NTRK3: variants seen among roughly 807,000 people sequenced by gnomAD.
NTRK3 encodes neurotrophic receptor tyrosine kinase 3.
NTRK3 carries 24 observed loss-of-function variants against 91.7 expected under a neutral mutation model. The observed-to-expected ratio is 0.26, with a 90% confidence interval of 0.19 to 0.37. The LOEUF is 0.37. NTRK3 is among the 10% of genes least tolerant of loss of function. The pLI is 1.00. For missense variants in NTRK3, 880 were observed against 1,068.9 expected, an observed-to-expected ratio of 0.82 and a Z score of 2.46; for synonymous variants, 483 against 404.0, an observed-to-expected ratio of 1.20 and a Z score of -2.34.
rs74267908 is a variant in NTRK3, at chr15:88,240,053, G to GACAC, written c.248+15849_248+15852dup. On this transcript the variant is annotated intron_variant, in intron 3 of 18. Coordinates refer to ENST00000394480, the Ensembl canonical transcript of NTRK3. The surrounding 1 kb of genome is among the most constrained non-coding windows in gnomAD (Gnocchi z 4.9). ...ATATACACACACAGCGACACACACAGACACACACACACACACACACAGGAA... is the reference window on the plus strand; with the variant it reads ...ATATACACACACAGCGACACACACAGACACACACACACACACACACACACAGGAA... Among the ~76,000 whole-genome samples, 54 of 148,990 alleles carry GACAC rather than the reference G, an allele frequency of 3.6e-4. No individual in the cohort carries two copies. The highest frequency in any genetic ancestry group is 1.7e-3 in the Admixed American group (25 of 14,964).
At chr15:88,000,474 C>T (rs752045236) in intron 14 of NTRK3, among the ~76,000 whole-genome samples, 1 of 152,152 alleles carries the variant, frequency 6.6e-6, no homozygotes, top group Admixed American at 6.5e-5. Flanking sequence ...TACACACATA[C>T]ACATGAATAA....
At chr15:87,935,631 T>G (rs9920151) in intron 15 of NTRK3, among the ~76,000 whole-genome samples, 3,117 of 152,140 alleles carry the variant, frequency 0.02, 126 homozygotes, top group African/African-American at 0.069. Flanking sequence ...ATACAAAGAT[T>G]TATGTGAATG....
rs148083160 is a variant in NTRK3, at chr15:87,956,289, T to G, written c.1586-15536A>C. ...GCTGTTCTGGTTTTTGTTGTTGTTG[T>G]TGTTTGAGACAGAGTCACTCTGTCA... On this transcript the variant is annotated intron_variant, in intron 14 of 18. Transcript: ENST00000394480. Among the ~76,000 whole-genome samples the G allele has an allele frequency of 3.6e-4, 55 of 152,312 alleles. No individual in the cohort carries two copies. In the East Asian group the frequency reaches 9.7e-3, roughly 27 times the overall value.
At chr15:88,229,840 A>G (rs1347750048) in intron 3 of NTRK3, among the ~76,000 whole-genome samples, 1 of 152,270 alleles carries the variant, frequency 6.6e-6, no homozygotes, top group East Asian at 1.9e-4. Flanking sequence ...AGTGTAGCCC[A>G]GGGAACATGG....
intron 17 of NTRK3, among the ~76,000 whole-genome samples, chr15:87,923,521 T>G (rs144244587): frequency 7.2e-5 from 11 of 152,330 alleles, no homozygotes; most frequent in South Asian, 6.2e-4. Context: ...CTCATACTGT[T>G]AGATGACCTA....
intron 13 of NTRK3, among the ~76,000 whole-genome samples, chr15:88,065,570 C>A (rs1380493132): frequency 1.3e-5 from 2 of 152,086 alleles, no homozygotes; most frequent in East Asian, 1.9e-4. Context: ...GGAGAAGAAC[C>A]TATACCCCTA....
At chr15:88,005,959 C>T (rs1481178185) in intron 14 of NTRK3, among the ~76,000 whole-genome samples, 1 of 152,138 alleles carries the variant, frequency 6.6e-6, no homozygotes, top group Non-Finnish European at 1.5e-5. Context: ...CCTCAAATGC[C>T]GATGTGCACT....
chr15:88,177,758 T>G (rs1385720195), intron 5 of NTRK3, among the ~76,000 whole-genome samples: 1 of 152,228 alleles, frequency 6.6e-6, no homozygotes, highest in African/African-American at 2.4e-5. Context: ...TAAGGACTCT[T>G]CCAGCTTTAA....
At chr15:88,193,306 G>A (rs1460343325) in intron 3 of NTRK3, among the ~76,000 whole-genome samples, 2 of 152,142 alleles carry the variant, frequency 1.3e-5, no homozygotes, top group African/African-American at 4.8e-5. Flanking sequence ...CCCAGGGACA[G>A]GCATGCTGGA....
intron 13 of NTRK3, among the ~76,000 whole-genome samples, chr15:88,074,083 C>G (rs116213077): frequency 6.6e-6 from 1 of 152,156 alleles, no homozygotes; most frequent in Non-Finnish European, 1.5e-5. Flanking sequence ...TGATGAACAC[C>G]GACCATGTGC....
At chr15:87,998,483 G>T (rs531930913) in intron 14 of NTRK3, among the ~76,000 whole-genome samples, 1 of 152,370 alleles carries the variant, frequency 6.6e-6, no homozygotes, top group East Asian at 1.9e-4. Context: ...TACAGTGGCT[G>T]TTGTAGAGCT....
At chr15:88,213,265 T>C (rs1231671206) in intron 3 of NTRK3, among the ~76,000 whole-genome samples, 4 of 152,206 alleles carry the variant, frequency 2.6e-5, no homozygotes, top group African/African-American at 9.6e-5. Flanking sequence ...ATTGAGTAAC[T>C]TGCTCAAAGC....
At position 88,044,254 on chromosome 15, in the gene NTRK3, C is replaced by CTTTT. The variant is rs1181028004; in HGVS notation, c.1397-11213_1397-11210dup. ...GCTGTGGGATTCCCAAGTCTATGTT[C>CTTTT]TTTTTTTTTTTTTTTTTTTTTTTTG... On this transcript the variant is annotated intron_variant, in intron 13 of 18. Coordinates refer to ENST00000394480, the Ensembl canonical transcript of NTRK3. 6.7e-3 allele frequency among the ~76,000 whole-genome samples: 527 copies of CTTTT among 78,518 alleles called. 5 individuals carry two copies. The highest frequency in any genetic ancestry group is 9.6e-3 in the Non-Finnish European group (412 of 43,018). 51.5% of individuals were successfully genotyped at this position (78,518 alleles called of 152,430 possible).
At chr15:87,929,479 A>C (rs1334037146) in intron 16 of NTRK3, 45 bp from the exon 17 acceptor site, 2 of 1,606,936 alleles carry the variant, frequency 1.2e-6, no homozygotes, top group Non-Finnish European at 1.7e-6. Flanking sequence ...AGAAATCAGG[A>C]GATCAAGGAG....
At chr15:88,152,563 G>T (rs2043485433) in intron 5 of NTRK3, among the ~76,000 whole-genome samples, 1 of 152,224 alleles carries the variant, frequency 6.6e-6, no homozygotes, top group Admixed American at 6.5e-5. Context: ...ATGACACTTT[G>T]ATCTTAGGCT....
chr15:87,910,927 T>A (rs527417310), intron 17 of NTRK3, among the ~76,000 whole-genome samples: 1 of 152,262 alleles, frequency 6.6e-6, no homozygotes, highest in South Asian at 2.1e-4. Flanking sequence ...ACCCCAAAAC[T>A]GCAGATTCAA....
intron 14 of NTRK3, among the ~76,000 whole-genome samples, chr15:87,965,840 G>A (rs1391361601): frequency 6.6e-6 from 1 of 152,168 alleles, no homozygotes; most frequent in Non-Finnish European, 1.5e-5. Flanking sequence ...CACTTTGGGA[G>A]GCCGAGGCAG....
chr15:88,018,209 C>G (rs2077370385), intron 14 of NTRK3, among the ~76,000 whole-genome samples: 1 of 152,228 alleles, frequency 6.6e-6, no homozygotes, highest in Non-Finnish European at 1.5e-5. Flanking sequence ...GGATCTGAAG[C>G]TCCAAAGAGC....
At chr15:88,161,193 T>A (rs2044421609) in intron 5 of NTRK3, among the ~76,000 whole-genome samples, 1 of 152,192 alleles carries the variant, frequency 6.6e-6, no homozygotes. Flanking sequence ...ACTTAAATAT[T>A]GCAACAACCC....
Sources: gnomAD v4.1 joint callset for allele counts (sites outside exome capture counted in the v4.1 genomes callset) on GRCh38, gnomAD v4.1.1 for gene constraint, Gnocchi (gnomAD v3.1) non-coding constraint, MANE v1.5 for transcripts, NCBI Gene and HGNC (gene_info 2026-07-23, HGNC 2026-07-21) for gene names.